Variants in LHPP observed in about 807,000 individuals in gnomAD.
LHPP encodes hLHPP.
A neutral mutation model predicts 30.3 loss-of-function variants in LHPP; 24 were observed. The ratio of observed to expected loss-of-function variants is 0.79; its 90% CI spans 0.57 to 1.11. LHPP has a LOEUF of 1.11. Ranked by LOEUF, LHPP falls within the 50% of genes most tolerant of loss-of-function variation. The pLI is 0.00. For missense variants in LHPP, 356 were observed against 367.2 expected, an observed-to-expected ratio of 0.97 and a Z score of 0.25; for synonymous variants, 150 against 157.1, an observed-to-expected ratio of 0.95 and a Z score of 0.34.
intron 6 of LHPP, among the ~76,000 whole-genome samples, chr10:124,530,118 C>T (rs1050700320): frequency 2.0e-5 from 3 of 152,152 alleles, no homozygotes; most frequent in South Asian, 2.1e-4. Flanking sequence ...AAGCCAGGAG[C>T]GGTGGGCAGG....
chr10:124,483,686 G>C (rs1204310002), intron 1 of LHPP, among the ~76,000 whole-genome samples: 1 of 152,196 alleles, frequency 6.6e-6, no homozygotes, highest in Non-Finnish European at 1.5e-5. Flanking sequence ...GAATCTGGGA[G>C]GCGGAGGTTG....
intron 1 of LHPP, among the ~76,000 whole-genome samples, chr10:124,476,410 C>T (rs1325507440): frequency 6.6e-6 from 1 of 152,226 alleles, no homozygotes; most frequent in Non-Finnish European, 1.5e-5. Flanking sequence ...GGCATCTCTG[C>T]TGTGCCCAGC....
chr10:124,461,847 A>G lies in LHPP; in HGVS notation c.-16A>G, dbSNP rs746881901. The stretch of plus-strand genomic sequence containing the variant: ...CGTCGGTTGGGACGCGGAGCTGAGG[A>G]GCAGGGCCGGGCGCCATGGCACCGT... On this transcript the variant is annotated 5_prime_UTR_variant, in exon 1 of 7. Coordinates refer to ENST00000368842, the MANE Select transcript of LHPP (RefSeq NM_022126.4). 36 of 1,238,454 alleles carry G rather than the reference A, an allele frequency of 2.9e-5. No individual in the cohort carries two copies. Among genetic ancestry groups the G allele is most frequent in the Admixed American group, 1.2e-4 (3 of 24,284 alleles). The allele number at this position is 1,238,454 out of a possible 1,614,324, so 76.7% of individuals were successfully genotyped here.
rs562149615 is a variant in LHPP, at chr10:124,596,554, C to T, written c.717-16710C>T. 1.3e-5 allele frequency among the ~76,000 whole-genome samples: 2 copies of T among 152,264 alleles called. No individual in the cohort carries two copies. Among genetic ancestry groups the T allele is most frequent in the South Asian group, 4.1e-4 (2 of 4,824 alleles). ...GCTCATAAGCAGTCCCGTGTGAATC[C>T]TTGGAGAGCTGTGGAGGTAGCACAG... On this transcript the variant is annotated intron_variant, in intron 6 of 6. Coordinates refer to ENST00000368842, the MANE Select transcript of LHPP (RefSeq NM_022126.4). The surrounding 1 kb of genome is among the most constrained non-coding windows in gnomAD (Gnocchi z 4.6).
intron 1 of LHPP, among the ~76,000 whole-genome samples, chr10:124,465,398 A>G (rs1354094718): frequency 6.6e-6 from 1 of 152,180 alleles, no homozygotes; most frequent in Admixed American, 6.5e-5. Context: ...GGTCTGATTT[A>G]TATGTTTTAA....
At chr10:124,488,301 C>A in intron 2 of LHPP, 121 bp from the exon 3 acceptor site, 1 of 868,496 alleles carries the variant, frequency 1.2e-6, no homozygotes, top group Non-Finnish European at 1.8e-6. Context: ...CTGTGATGAT[C>A]AGAAAGAAAT....
At chr10:124,521,653 G>A (rs1388807785) in intron 6 of LHPP, among the ~76,000 whole-genome samples, 2 of 152,158 alleles carry the variant, frequency 1.3e-5, no homozygotes, top group Non-Finnish European at 1.5e-5. Flanking sequence ...GAGTAACTGC[G>A]CTCACACTTG....
At chr10:124,574,849 G>A (rs1053602539) in intron 6 of LHPP, among the ~76,000 whole-genome samples, 6 of 152,118 alleles carry the variant, frequency 3.9e-5, no homozygotes, top group African/African-American at 1.4e-4. Context: ...TCCAGGTCAT[G>A]GGCTCCAGGC....
chr10:124,569,561 A>G (rs574875701), intron 6 of LHPP, among the ~76,000 whole-genome samples: 31 of 152,296 alleles, frequency 2.0e-4, no homozygotes, highest in African/African-American at 6.7e-4. Context: ...GGCAGCCTGG[A>G]AACACCCTTT....
chr10:124,591,103 G>A (rs1291642822), intron 6 of LHPP, among the ~76,000 whole-genome samples: 3 of 152,192 alleles, frequency 2.0e-5, no homozygotes, highest in East Asian at 1.9e-4. Flanking sequence ...AGGGGGCACC[G>A]CGGGTGGGTG....
intron 1 of LHPP, among the ~76,000 whole-genome samples, chr10:124,469,277 G>T (rs146995724): frequency 3.9e-5 from 6 of 152,092 alleles, no homozygotes; most frequent in East Asian, 3.9e-4. Flanking sequence ...TGGCAGCATC[G>T]TCCGTTCTCT....
At chr10:124,561,527 G>A (rs993683999) in intron 6 of LHPP, among the ~76,000 whole-genome samples, 3 of 151,246 alleles carry the variant, frequency 2.0e-5, no homozygotes, top group Admixed American at 6.6e-5. Flanking sequence ...AAGGCTATCC[G>A]CCCCCCCCAC....
At chr10:124,497,177 CCGGGCCCT>C in intron 4 of LHPP, among the ~76,000 whole-genome samples, 153 bp downstream of exon 4, 1 of 150,544 alleles carries the variant, frequency 6.6e-6, no homozygotes, top group Admixed American at 6.6e-5. Flanking sequence ...GCTCCCCTGG[CCGGGCCCT>C]CGGGCCCTCA....
intron 5 of LHPP, among the ~76,000 whole-genome samples, chr10:124,508,457 G>A (rs961151034): frequency 6.6e-6 from 1 of 152,214 alleles, no homozygotes; most frequent in South Asian, 2.1e-4. Flanking sequence ...TAGCCCTGCA[G>A]CTGTGGGTCT....
chr10:124,471,403 ATATATATTTATATATT>A (rs1335253822), intron 1 of LHPP, among the ~76,000 whole-genome samples: 906 of 55,168 alleles, frequency 0.016, 20 homozygotes, highest in East Asian at 0.052. Flanking sequence ...TATATATAAT[ATATATATTTATATATT>A]ATATATATAT....
At chr10:124,475,963 C>T (rs949297803) in intron 1 of LHPP, among the ~76,000 whole-genome samples, 8 of 152,154 alleles carry the variant, frequency 5.3e-5, no homozygotes, top group African/African-American at 1.4e-4. Context: ...TTCTAAATTG[C>T]GTTTATTGAT....
At chr10:124,471,299 C>A (rs1589755594) in intron 1 of LHPP, among the ~76,000 whole-genome samples, 1 of 149,206 alleles carries the variant, frequency 6.7e-6, no homozygotes, top group African/African-American at 2.5e-5. Flanking sequence ...CTGGAGACCC[C>A]TTGCAGGTCC....
intron 1 of LHPP, among the ~76,000 whole-genome samples, chr10:124,482,592 A>G (rs1179608391): frequency 6.6e-6 from 1 of 151,804 alleles, no homozygotes; most frequent in Non-Finnish European, 1.5e-5. Context: ...TTGGCGAGGG[A>G]GCCAGGTCCT....
chr10:124,470,648 T>TAACAACAACAAC (rs10682827), intron 1 of LHPP, among the ~76,000 whole-genome samples: 3,533 of 144,978 alleles, frequency 0.024, 47 homozygotes, highest in African/African-American at 0.034. Context: ...GCAGCAATAG[T>TAACAACAACAAC]AACAACAACA....
Sources: allele counts gnomAD v4.1 joint callset (sites outside exome capture counted in the v4.1 genomes callset), GRCh38; gene constraint gnomAD v4.1.1; non-coding constraint Gnocchi (gnomAD v3.1); transcripts MANE v1.5; gene names NCBI Gene and HGNC (gene_info 2026-07-23, HGNC 2026-07-21).